LCMT1: variants seen among roughly 807,000 people sequenced by gnomAD.
The protein encoded by LCMT1 is leucine carboxyl methyltransferase 1.
LCMT1 carries 32 observed loss-of-function variants against 47.7 expected under a neutral mutation model. That is an observed-to-expected ratio of 0.67 (90% CI 0.51 to 0.90). The LOEUF is 0.90. Ranked by LOEUF, LCMT1 falls within the 40% of genes least tolerant of loss-of-function variation. LCMT1 has a pLI of 0.00. For synonymous variants in LCMT1, 152 were observed against 149.7 expected, an observed-to-expected ratio of 1.02 and a Z score of -0.11; for missense variants, 375 against 415.2, an observed-to-expected ratio of 0.90 and a Z score of 0.84.
chr16:25,141,446 G>C (rs1186529585), intron 4 of LCMT1: 1 of 152,214 alleles, frequency 6.6e-6, no homozygotes, highest in African/African-American at 2.4e-5. Context: ...TCTGGGCTCA[G>C]GCAATCCTCC....
chr16:25,130,098 T>G (rs926386206), intron 2 of LCMT1, among the ~76,000 whole-genome samples: 1 of 152,154 alleles, frequency 6.6e-6, no homozygotes, highest in African/African-American at 2.4e-5. Flanking sequence ...TCCAGCACTT[T>G]GGGAGGCCGA....
intron 1 of LCMT1, among the ~76,000 whole-genome samples, chr16:25,112,583 A>G (rs897200884): frequency 6.6e-6 from 1 of 152,156 alleles, no homozygotes; most frequent in Non-Finnish European, 1.5e-5. Context: ...AATGTCCACC[A>G]TTTATTCTTT....
chr16:25,173,205 A>G (rs1175738302), intron 9 of LCMT1, among the ~76,000 whole-genome samples: 1 of 152,206 alleles, frequency 6.6e-6, no homozygotes, highest in Non-Finnish European at 1.5e-5. Context: ...AGCACCAGAG[A>G]TACAGCAATG....
At chr16:25,112,926 A>G (rs1207735332) in intron 1 of LCMT1, among the ~76,000 whole-genome samples, 1 of 152,020 alleles carries the variant, frequency 6.6e-6, no homozygotes, top group Non-Finnish European at 1.5e-5. Context: ...GCAGATCACG[A>G]GGTCAGGAGT....
rs749410345 is a variant in LCMT1, at chr16:25,178,196, T to C, written c.*173T>C. The C allele has an allele frequency of 3.3e-6, 2 of 598,386 alleles. No individual in the cohort carries two copies. The highest frequency in any genetic ancestry group is 5.8e-6 in the Non-Finnish European group (2 of 344,342). The allele number at this position is 598,386 out of a possible 1,614,324, so 37.1% of individuals were successfully genotyped here. A position where few individuals can be genotyped will look rare whatever the true frequency, so the allele number is the denominator to read the frequency against. The stretch of plus-strand genomic sequence containing the variant: ...GTTCCTCTTCCTGTTCCTGTTGACA[T>C]GTCGTTGTTTAAATAAATCTCACTT... On this transcript the variant is annotated 3_prime_UTR_variant, in exon 11 of 11. Coordinates refer to ENST00000399069, the MANE Select transcript of LCMT1 (RefSeq NM_016309.3).
Position 25,157,563 on chromosome 16 carries a change from A to T in LCMT1, c.467-3539A>T, listed in dbSNP as rs188825252. 6.8e-4 allele frequency among the ~76,000 whole-genome samples: 96 copies of T among 142,050 alleles called. 1 individual carries two copies. In the East Asian group the frequency reaches 0.015, roughly 22 times the overall value. 93.2% of individuals were successfully genotyped at this position (142,050 alleles called of 152,430 possible). On this transcript the variant is annotated intron_variant, in intron 5 of 10. Coordinates refer to ENST00000399069, the MANE Select transcript of LCMT1 (RefSeq NM_016309.3). ...CTCAAAAAAAACCAGCAACAACAAT[A>T]AAAAAAAAACTGATTAGGACGATAA...
chr16:25,112,495 C>G (rs1288292784), intron 1 of LCMT1, among the ~76,000 whole-genome samples: 1 of 152,232 alleles, frequency 6.6e-6, no homozygotes, highest in East Asian at 1.9e-4. Flanking sequence ...TAAGTCTCCA[C>G]TGTTAAGGGT....
At chr16:25,121,800 A>G (rs1304164378) in intron 1 of LCMT1, among the ~76,000 whole-genome samples, 1 of 152,178 alleles carries the variant, frequency 6.6e-6, no homozygotes, top group African/African-American at 2.4e-5. Flanking sequence ...CCTGCTTTTG[A>G]CATGTAGGGA....
chr16:25,126,697 C>T (rs570988246), intron 1 of LCMT1, among the ~76,000 whole-genome samples: 1 of 152,178 alleles, frequency 6.6e-6, no homozygotes, highest in Non-Finnish European at 1.5e-5. Context: ...TCTTTATTAT[C>T]CAAGAGTCCA....
intron 4 of LCMT1, chr16:25,145,028 G>T (rs1960808382): frequency 1.3e-5 from 2 of 152,168 alleles, no homozygotes; most frequent in South Asian, 2.1e-4. Flanking sequence ...TCACATAGGG[G>T]TTTAGCCGTC....
chr16:25,158,430 C>T lies in LCMT1; in HGVS notation c.467-2672C>T, dbSNP rs149410123. 8.1e-3 allele frequency among the ~76,000 whole-genome samples: 1,230 copies of T among 152,334 alleles called. 18 individuals are homozygous for T. Among genetic ancestry groups the T allele is most frequent in the African/African-American group, 0.029 (1,187 of 41,556 alleles). ...GATTCCAGGCATAAGCCACTGCGCCCGGCCGGTCTGTTTCTTTAGAAAGTT... is the reference window on the plus strand; with the variant it reads ...GATTCCAGGCATAAGCCACTGCGCCTGGCCGGTCTGTTTCTTTAGAAAGTT... On this transcript the variant is annotated intron_variant, in intron 5 of 10. Coordinates refer to ENST00000399069, the MANE Select transcript of LCMT1 (RefSeq NM_016309.3).
intron 3 of LCMT1, among the ~76,000 whole-genome samples, chr16:25,137,934 C>T (rs569374630): frequency 1.1e-4 from 17 of 149,902 alleles, no homozygotes; most frequent in African/African-American, 2.9e-4. Flanking sequence ...TCTGCTATGC[C>T]GCACTCACCC....
chr16:25,151,670 C>A, intron 5 of LCMT1, 55 bp downstream of exon 5: 3 of 1,398,386 alleles, frequency 2.1e-6, no homozygotes, highest in Non-Finnish European at 3.0e-6. Context: ...CTTCCCACCC[C>A]CTTTTTGAAG....
chr16:25,132,194 G>A, intron 2 of LCMT1: 1 of 573,580 alleles, frequency 1.7e-6, no homozygotes, highest in East Asian at 2.8e-5. Flanking sequence ...TCATGAAATA[G>A]ATTATACTTA....
intron 6 of LCMT1, among the ~76,000 whole-genome samples, chr16:25,162,552 G>A (rs933534898): frequency 3.6e-5 from 5 of 139,416 alleles, no homozygotes; most frequent in African/African-American, 8.2e-5. Flanking sequence ...TCATGACATC[G>A]AACTGTAGCC....
At chr16:25,142,590 A>G (rs1244784262) in intron 4 of LCMT1, 2 of 152,204 alleles carry the variant, frequency 1.3e-5, no homozygotes, top group Admixed American at 6.5e-5. Context: ...AAGGTTGTCA[A>G]GAGAGTTTGT....
chr16:25,122,397 C>T (rs902146777), intron 1 of LCMT1, among the ~76,000 whole-genome samples: 15 of 152,218 alleles, frequency 9.9e-5, no homozygotes, highest in Non-Finnish European at 1.9e-4. Flanking sequence ...CCTTGACCTC[C>T]CTGGTGGCTC....
Position 25,178,107 on chromosome 16 carries a change from G to A in LCMT1, c.*84G>A. 7.5e-7 allele frequency: 1 copy of A among 1,334,098 alleles called. No homozygotes were observed. The highest frequency in any genetic ancestry group is 1.1e-6 in the Non-Finnish European group (1 of 933,514). 82.6% of individuals were successfully genotyped at this position (1,334,098 alleles called of 1,614,324 possible). A position where few individuals can be genotyped will look rare whatever the true frequency, so the allele number is the denominator to read the frequency against. ...CTGCAAGCTCCCTGAGCGGTGGGCG[G>A]GCCTCGTCCGCAGGTCTCATCCCAC... On this transcript the variant is annotated 3_prime_UTR_variant, in exon 11 of 11. Coordinates refer to ENST00000399069, the MANE Select transcript of LCMT1 (RefSeq NM_016309.3).
chr16:25,160,953 G>A (rs277899), intron 5 of LCMT1, 149 bp from the exon 6 acceptor site: 1 of 609,834 alleles, frequency 1.6e-6, no homozygotes, highest in Non-Finnish European at 2.9e-6. Flanking sequence ...TTGGAAGATA[G>A]GATTTTGGTT....
Sources: allele counts gnomAD v4.1 joint callset (sites outside exome capture counted in the v4.1 genomes callset), GRCh38; gene constraint gnomAD v4.1.1; transcripts MANE v1.5; gene names NCBI Gene and HGNC (gene_info 2026-07-23, HGNC 2026-07-21).